The following ANKRD28 variants were observed in gnomAD, a reference collection of about 807,000 sequenced individuals.
ANKRD28 encodes ankyrin repeat domain 28.
In ANKRD28, 44 loss-of-function variants were observed where a neutral mutation model predicts 126.5. The ratio of observed to expected loss-of-function variants is 0.35; its 90% confidence interval spans 0.27 to 0.45. ANKRD28 has a LOEUF of 0.45. Among genes scored for constraint, ANKRD28 ranks in the 20% least tolerant of loss-of-function variants. The probability of loss-of-function intolerance (pLI) is 1.00; values close to 1 mark genes in which losing one functional copy is unlikely to be tolerated. For synonymous variants in ANKRD28, 442 were observed against 468.5 expected, an observed-to-expected ratio of 0.94 and a Z score of 0.73; for missense variants, 1,110 against 1,316.6, an observed-to-expected ratio of 0.84 and a Z score of 2.43.
chr3:15,685,848 C>T (rs1043894422), intron 20 of ANKRD28, among the ~76,000 whole-genome samples, 154 bp downstream of exon 20: 5 of 151,968 alleles, frequency 3.3e-5, no homozygotes, highest in African/African-American at 1.2e-4. Flanking sequence ...TGTAATTGTT[C>T]AAAATTAGCA....
At chr3:15,823,327 C>G (rs2060985360) in intron 1 of ANKRD28, among the ~76,000 whole-genome samples, 1 of 152,204 alleles carries the variant, frequency 6.6e-6, no homozygotes, top group Admixed American at 6.5e-5. Context: ...TGCTGTGCAG[C>G]CAGTTCCTAA....
In ANKRD28 at chr3:15,845,693, A is replaced by G. The variant is rs906965087; in HGVS notation, c.27+13684T>C. Among the ~76,000 whole-genome samples the G allele has an allele frequency of 6.6e-6, 1 of 152,098 alleles. No homozygotes were observed. The highest frequency in any genetic ancestry group is 2.4e-5 in the African/African-American group (1 of 41,404). ...CACTCTCACACTGCTATAAATAACTACCTGAGACTGGGTAATTTACAAAGA... is the reference window on the plus strand; with the variant it reads ...CACTCTCACACTGCTATAAATAACTGCCTGAGACTGGGTAATTTACAAAGA... On this transcript the variant is annotated intron_variant, in intron 1 of 27. Transcript: ENST00000399451. The surrounding 1 kb of genome is among the most constrained non-coding windows in gnomAD (Gnocchi z 4.9).
At chr3:15,761,794 G>C (rs571133670) in intron 3 of ANKRD28, among the ~76,000 whole-genome samples, 27 of 152,094 alleles carry the variant, frequency 1.8e-4, no homozygotes, top group Non-Finnish European at 3.7e-4. Flanking sequence ...TCAATTTAAA[G>C]AGTTAATAGG....
At chr3:15,763,585 G>GACCA (rs1335263335) in intron 3 of ANKRD28, among the ~76,000 whole-genome samples, 2 of 152,228 alleles carry the variant, frequency 1.3e-5, no homozygotes, top group Admixed American at 1.3e-4. Flanking sequence ...TAGTGGTAGT[G>GACCA]ACCAAGGAAG....
intron 1 of ANKRD28, among the ~76,000 whole-genome samples, chr3:15,840,695 T>C (rs1021599714): frequency 3.3e-5 from 5 of 152,160 alleles, no homozygotes; most frequent in African/African-American, 9.7e-5. Context: ...AAAAGACACA[T>C]AGATCAGTGG....
intron 1 of ANKRD28, among the ~76,000 whole-genome samples, chr3:15,851,909 T>C (rs1176205800): frequency 1.3e-5 from 2 of 152,166 alleles, no homozygotes; most frequent in African/African-American, 2.4e-5. Context: ...AAAGAAAATA[T>C]GGTATATCCA....
Position 15,796,515 on chromosome 3 carries a change from G to C in ANKRD28, c.7C>G (p.Arg3Gly). 1 of 1,283,278 alleles carries C rather than the reference G, an allele frequency of 7.8e-7. No individual in the cohort carries two copies. 79.5% of individuals were successfully genotyped at this position (1,283,278 alleles called of 1,614,324 possible). Residue 3 changes from arginine (R) to glycine (G), a missense_variant, in exon 1 of 28, where the codon CGA (arginine) becomes GGA (glycine). Arg to Gly is a moderately radical substitution (Grantham distance 125, BLOSUM62 -2). Coordinates refer to ENST00000683139, the MANE Select transcript of ANKRD28 (RefSeq NM_001349278.2). ...TCCTCCAAAACAACAATACACACTC[G>C]ACTCATTCGATCTTTTAAAACACTA... MS[R>G]VCIVVLEEVE... is the part of the protein sequence containing the mutation.
intron 2 of ANKRD28, among the ~76,000 whole-genome samples, chr3:15,789,844 T>G (rs1292094104): frequency 6.6e-6 from 1 of 151,668 alleles, no homozygotes; most frequent in Non-Finnish European, 1.5e-5. Context: ...AAAGTTGACT[T>G]AAAAAAATAC....
chr3:15,814,371 T>C lies in ANKRD28; in HGVS notation c.28-19065A>G, dbSNP rs897536646. On this transcript the variant is annotated intron_variant, in intron 1 of 27. Transcript: ENST00000399451. The surrounding 1 kb of genome is among the most constrained non-coding windows in gnomAD (Gnocchi z 4.7). ...CTGATCCTAGAAATTAAGGGCTATG[T>C]TATTTATAAATAACTAGTACCTTAA... The C allele has an allele frequency of 6.4e-6, 6 of 930,718 alleles. No individual in the cohort carries two copies. The African/African-American group carries it at 1.1e-4, about 16-fold the overall frequency. 57.7% of individuals were successfully genotyped at this position (930,718 alleles called of 1,614,324 possible).
rs869032190 is a variant in ANKRD28, at chr3:15,671,578, G to GTTT, written c.2966-1025_2966-1023dup. ...TCAACTTGGAGTCATAAACACTATAGTTTTTTTTTTGTTTTTTTTTTTTTG... is the reference window on the plus strand; with the variant it reads ...TCAACTTGGAGTCATAAACACTATAGTTTTTTTTTTTTTGTTTTTTTTTTTTTG... On this transcript the variant is annotated intron_variant, in intron 27 of 27. Coordinates refer to ENST00000683139, the MANE Select transcript of ANKRD28 (RefSeq NM_001349278.2). Among the ~76,000 whole-genome samples the GTTT allele has an allele frequency of 6.7e-3, 941 of 141,198 alleles. 39 individuals carry two copies. The highest frequency in any genetic ancestry group is 0.024 in the African/African-American group (875 of 36,712). The allele number at this position is 141,198 out of a possible 152,430, so 92.6% of individuals were successfully genotyped here. A position where few individuals can be genotyped will look rare whatever the true frequency, so the allele number is the denominator to read the frequency against.
chr3:15,755,041 A>G (rs1203596270), intron 3 of ANKRD28, among the ~76,000 whole-genome samples: 2 of 152,184 alleles, frequency 1.3e-5, no homozygotes, highest in Non-Finnish European at 2.9e-5. Flanking sequence ...AGGCAGGACA[A>G]TCACTTGAAC....
chr3:15,800,114 A>G (rs2060434577), upstream of ANKRD28, among the ~76,000 whole-genome samples: 1 of 152,104 alleles, frequency 6.6e-6, no homozygotes, highest in Non-Finnish European at 1.5e-5. Flanking sequence ...GCCCACCTGA[A>G]GTTCAATTCT....
At chr3:15,848,000 GCAAC>G (rs886272051) in intron 1 of ANKRD28, among the ~76,000 whole-genome samples, 1 of 152,172 alleles carries the variant, frequency 6.6e-6, no homozygotes, top group Non-Finnish European at 1.5e-5. Flanking sequence ...CCTCTGTGTT[GCAAC>G]CATATTTACT....
intron 4 of ANKRD28, among the ~76,000 whole-genome samples, chr3:15,741,136 T>G (rs1430545171): frequency 3.3e-5 from 5 of 151,988 alleles, no homozygotes; most frequent in African/African-American, 1.2e-4. Context: ...GAGGCGGAGC[T>G]TGCAGTGAGC....
chr3:15,820,632 C>A (rs1331950230), intron 1 of ANKRD28, among the ~76,000 whole-genome samples: 5 of 152,210 alleles, frequency 3.3e-5, no homozygotes, highest in African/African-American at 1.2e-4. Flanking sequence ...AAATGAAATG[C>A]AAATTAATTT....
intron 2 of ANKRD28, among the ~76,000 whole-genome samples, chr3:15,788,240 T>A (rs756552023): frequency 6.6e-6 from 1 of 152,198 alleles, no homozygotes; most frequent in Non-Finnish European, 1.5e-5. Context: ...AAATTAGGAT[T>A]ATCTTTGTAT....
intron 6 of ANKRD28, among the ~76,000 whole-genome samples, chr3:15,734,187 T>C (rs569860770): frequency 2.0e-5 from 3 of 152,282 alleles, no homozygotes; most frequent in East Asian, 1.9e-4. Context: ...ATGCAAGGAT[T>C]TGGGTATAAG....
intron 14 of ANKRD28, among the ~76,000 whole-genome samples, chr3:15,706,158 G>A (rs2071352729): frequency 1.3e-5 from 2 of 151,784 alleles, no homozygotes; most frequent in South Asian, 2.1e-4. Flanking sequence ...TGGCACATAT[G>A]TATACATGTG....
At chr3:15,752,510 G>T (rs1259540661) in intron 3 of ANKRD28, among the ~76,000 whole-genome samples, 1 of 152,084 alleles carries the variant, frequency 6.6e-6, no homozygotes, top group Non-Finnish European at 1.5e-5. Flanking sequence ...CATTATTCGA[G>T]GAGGGAATAA....
Sources: allele counts gnomAD v4.1 joint callset (sites outside exome capture counted in the v4.1 genomes callset), GRCh38; gene constraint gnomAD v4.1.1; non-coding constraint Gnocchi (gnomAD v3.1); transcripts MANE v1.5; gene names NCBI Gene and HGNC (gene_info 2026-07-23, HGNC 2026-07-21).